STRN: variants seen among roughly 807,000 people sequenced by gnomAD.
STRN encodes striatin.
STRN carries 53 observed loss-of-function variants against 96.3 expected under a neutral mutation model. The ratio of observed to expected loss-of-function variants is 0.55; its 90% CI spans 0.44 to 0.69. STRN has a LOEUF of 0.69. Among genes scored for constraint, STRN ranks in the 30% least tolerant of loss-of-function variants. The pLI is 0.00. For synonymous variants in STRN, 428 were observed against 355.9 expected, an observed-to-expected ratio of 1.20 and a Z score of -2.28; for missense variants, 987 against 963.9, an observed-to-expected ratio of 1.02 and a Z score of -0.32.
At chr2:36,873,783 G>A (rs1262513899) in intron 10 of STRN, among the ~76,000 whole-genome samples, 6 of 151,116 alleles carry the variant, frequency 4.0e-5, no homozygotes, top group South Asian at 4.2e-4. Context: ...TCTCTACTAA[G>A]AATACAAAAA....
At chr2:36,926,920 G>A (rs146500390) in intron 1 of STRN, among the ~76,000 whole-genome samples, 1 of 152,304 alleles carries the variant, frequency 6.6e-6, no homozygotes, top group African/African-American at 2.4e-5. Context: ...AAAAGGAAAT[G>A]ACAGCCCAAC....
At chr2:36,912,691 A>T (rs1669994851) in intron 3 of STRN, among the ~76,000 whole-genome samples, 1 of 152,138 alleles carries the variant, frequency 6.6e-6, no homozygotes, top group South Asian at 2.1e-4. Context: ...CACCAGTACC[A>T]TATGTTGATG....
At position 36,886,778 on chromosome 2, in the gene STRN, C is replaced by T; in HGVS notation, c.980G>A (p.Gly327Glu). ...TTGTTCCTTGAGTTTGGTAATTACT[C>T]CCTGGTCCACATTCCAGGCTTCAGG... Reference protein sequence around the residue: ...LMPEAWNVDQGVITKLKEQYK... With the variant: ...LMPEAWNVDQEVITKLKEQYK... Residue 327 changes from glycine (G) to glutamate (E), a missense_variant, in exon 8 of 18, where the codon GGA becomes GAA. Physicochemically the swap from Gly to Glu is moderately conservative, Grantham distance 98 (BLOSUM62 -2). Transcript: ENST00000263918. The T allele has an allele frequency of 6.2e-7, 1 of 1,613,558 alleles. No individual in the cohort carries two copies. The highest frequency in any genetic ancestry group is 1.1e-5 in the South Asian group (1 of 91,024).
At chr2:36,865,716 C>T (rs747298819) in intron 12 of STRN, among the ~76,000 whole-genome samples, 8 of 152,026 alleles carry the variant, frequency 5.3e-5, no homozygotes, top group Non-Finnish European at 1.2e-4. Flanking sequence ...TGCACGCCAC[C>T]GCACTCAGCT....
intron 16 of STRN, 28 bp downstream of exon 16, chr2:36,850,972 T>C: frequency 6.7e-7 from 1 of 1,491,896 alleles, no homozygotes; most frequent in Non-Finnish European, 9.1e-7. Context: ...TTTGCTTTAA[T>C]AAAAATCAAT....
intron 1 of STRN, among the ~76,000 whole-genome samples, chr2:36,941,507 A>C (rs1187154116): frequency 6.6e-6 from 1 of 152,084 alleles, no homozygotes; most frequent in Non-Finnish European, 1.5e-5. Flanking sequence ...TCTCAAGATG[A>C]ACAGAATCAT....
Position 36,849,699 on chromosome 2 carries a change from A to G in STRN, c.2173+15T>C. The G allele has an allele frequency of 2.5e-6, 4 of 1,614,082 alleles. No homozygotes were observed. Among genetic ancestry groups the G allele is most frequent in the Non-Finnish European group, 3.4e-6 (4 of 1,179,966 alleles). ...TGGTAAGGACAAATAAATAATCCAT[A>G]GTTGAGGTACTTACTGCCAGACATC... On this transcript the variant is annotated intron_variant, in intron 17 of 17. Coordinates refer to ENST00000263918, the MANE Select transcript of STRN (RefSeq NM_003162.4).
Position 36,966,242 on chromosome 2 carries a change from C to T in STRN, c.222G>A (p.Arg74=), listed in dbSNP as rs988563568. ...EVERAQWEVE[R]AELQAQIAFL... ...GGAGGGTCTTTACCTGCAGCTCCGCCCGCTCCACCTCCCACTGGGCTCTCT... is the reference window on the plus strand; with the variant it reads ...GGAGGGTCTTTACCTGCAGCTCCGCTCGCTCCACCTCCCACTGGGCTCTCT... Residue 74 remains arginine, a synonymous_variant, in exon 1 of 18, where the codon CGG becomes CGA. Transcript: ENST00000263918. 3.8e-6 allele frequency: 6 copies of T among 1,572,724 alleles called. No homozygotes were observed. The highest frequency in any genetic ancestry group is 4.3e-6 in the Non-Finnish European group (5 of 1,161,796).
At chr2:36,953,328 G>C in intron 1 of STRN, among the ~76,000 whole-genome samples, 1 of 150,716 alleles carries the variant, frequency 6.6e-6, no homozygotes, top group East Asian at 1.9e-4. Context: ...AGTCAATTCT[G>C]TAACAAATTT....
chr2:36,901,003 GA>G lies in STRN; in HGVS notation c.660-1346del, dbSNP rs535903214. Reference sequence around the variant, plus strand: ...TCTTTTAGACAGAGAGCATTTTCCTGAAAAAAAAAAAAAATTGTAGAAACTA... The same window carrying G: ...TCTTTTAGACAGAGAGCATTTTCCTGAAAAAAAAAAAAATTGTAGAAACTA... On this transcript the variant is annotated intron_variant, in intron 5 of 17. Transcript: ENST00000263918. Among the ~76,000 whole-genome samples the G allele has an allele frequency of 5.1e-3, 691 of 134,852 alleles. 5 individuals are homozygous for G. Among genetic ancestry groups the G allele is most frequent in the East Asian group, 9.6e-3 (45 of 4,698 alleles). 88.5% of individuals were successfully genotyped at this position (134,852 alleles called of 152,430 possible). A position where few individuals can be genotyped will look rare whatever the true frequency, so the allele number is the denominator to read the frequency against.
At position 36,902,719 on chromosome 2, in the gene STRN, A is replaced by G; in HGVS notation, c.524T>C (p.Ile175Thr). ...CACTCGTTTAGATTTCACATCTAGAATAGTATCTGTATAACCCACCTCCTG... is the reference window on the plus strand; with the variant it reads ...CACTCGTTTAGATTTCACATCTAGAGTAGTATCTGTATAACCCACCTCCTG... ...YLQEVGYTDT[I>T]LDVKSKRVRA... The change falls in exon 5 of 18, where the codon ATT (isoleucine) becomes ACT (threonine). Residue 175 changes from isoleucine to threonine, a missense_variant. By Grantham distance (89) the Ile-to-Thr change is moderately conservative. Coordinates refer to ENST00000263918, the MANE Select transcript of STRN (RefSeq NM_003162.4). 6.2e-7 allele frequency: 1 copy of G among 1,610,886 alleles called. No homozygotes were observed. The highest frequency in any genetic ancestry group is 1.7e-5 in the Admixed American group (1 of 59,932).
chr2:36,889,770 T>C (rs770788717), intron 7 of STRN, among the ~76,000 whole-genome samples: 9 of 152,030 alleles, frequency 5.9e-5, no homozygotes, highest in Non-Finnish European at 1.2e-4. Flanking sequence ...TCCTAAAACA[T>C]ACAGGTCAAA....
intron 1 of STRN, among the ~76,000 whole-genome samples, chr2:36,928,830 TC>T (rs945223850): frequency 6.8e-5 from 10 of 146,692 alleles, no homozygotes; most frequent in Admixed American, 2.1e-4. Context: ...GTGCCTGTAA[TC>T]CCAGCTACTT....
intron 2 of STRN, among the ~76,000 whole-genome samples, chr2:36,916,659 A>C (rs551480318): frequency 6.6e-6 from 1 of 152,224 alleles, no homozygotes; most frequent in African/African-American, 2.4e-5. Flanking sequence ...AAGGGGGAAA[A>C]CCCCAGCCCA....
intron 11 of STRN, 104 bp from the exon 12 acceptor site, chr2:36,867,965 T>C (rs1159979205): frequency 2.4e-6 from 2 of 830,466 alleles, no homozygotes; most frequent in African/African-American, 1.8e-5. Flanking sequence ...TATGGGAATA[T>C]ACCATTCTCA....
chr2:36,863,394 G>C (rs1472793952), intron 12 of STRN, among the ~76,000 whole-genome samples: 1 of 152,078 alleles, frequency 6.6e-6, no homozygotes, highest in East Asian at 1.9e-4. Context: ...TCTGCATATG[G>C]CTAGCCATTT....
At chr2:36,906,938 A>C (rs201391157) in intron 3 of STRN, among the ~76,000 whole-genome samples, 2 of 105,578 alleles carry the variant, frequency 1.9e-5, no homozygotes, top group Non-Finnish European at 4.2e-5. Context: ...AACAAAAAAA[A>C]CAAAAAAAAA....
intron 7 of STRN, among the ~76,000 whole-genome samples, chr2:36,888,784 G>A (rs1406022994): frequency 2.6e-5 from 4 of 151,892 alleles, no homozygotes; most frequent in South Asian, 2.1e-4. Context: ...GGGCTGAAGC[G>A]ATCCTCCCAC....
In STRN at chr2:36,861,176, C is replaced by A. The variant is rs1258618096; in HGVS notation, c.1625G>T (p.Gly542Val). 6.2e-7 allele frequency: 1 copy of A among 1,613,926 alleles called. No homozygotes were observed. The highest frequency in any genetic ancestry group is 2.2e-5 in the East Asian group (1 of 44,886). Residue 542 changes from glycine (G) to valine (V), a missense_variant, in exon 13 of 18, where the codon GGC (glycine) becomes GTC (valine). Gly to Val is a moderately radical substitution (Grantham distance 109, BLOSUM62 -3). Coordinates refer to ENST00000263918, the MANE Select transcript of STRN (RefSeq NM_003162.4). ...GATGTTGGGATTAGTGGTATTCCAG[C>A]CCTGGATCAGTCCATCAGTACCACC... ...YSGGTDGLIQ[G>V]WNTTNPNIDP...
Sources: allele counts gnomAD v4.1 joint callset (sites outside exome capture counted in the v4.1 genomes callset), GRCh38; gene constraint gnomAD v4.1.1; transcripts MANE v1.5; gene names NCBI Gene and HGNC (gene_info 2026-07-23, HGNC 2026-07-21).